Variants in MCCC2 observed in about 807,000 individuals in gnomAD.
MCCC2 encodes the protein methylcrotonyl-CoA carboxylase subunit 2.
A neutral mutation model predicts 77.2 loss-of-function variants in MCCC2; 52 were observed. That is an observed-to-expected ratio of 0.67 (90% confidence interval 0.54 to 0.85). The LOEUF is 0.85. MCCC2 is among the 40% of genes least tolerant of loss of function. MCCC2 has a pLI of 0.00. For missense variants in MCCC2, 682 were observed against 703.2 expected, an observed-to-expected ratio of 0.97 and a Z score of 0.34; for synonymous variants, 253 against 248.4, an observed-to-expected ratio of 1.02 and a Z score of -0.18.
At chr5:71,616,670 T>A (rs554416812) in intron 6 of MCCC2, among the ~76,000 whole-genome samples, 1 of 152,356 alleles carries the variant, frequency 6.6e-6, no homozygotes, top group African/African-American at 2.4e-5. Flanking sequence ...TACCTTGCTC[T>A]TTCCCTAGGA....
Position 71,649,261 on chromosome 5 carries a change from T to C in MCCC2, c.1373+8T>C, listed in dbSNP as rs1461805917. ...GTGTGGCAGAGCATATAGGTAGGTGTCATGATTTTCTCTGAAACAAAGAAA... is the reference window on the plus strand; with the variant it reads ...GTGTGGCAGAGCATATAGGTAGGTGCCATGATTTTCTCTGAAACAAAGAAA... On this transcript the variant is annotated splice_region_variant and intron_variant, in intron 14 of 16. Transcript: ENST00000340941. 1 of 1,612,528 alleles carries C rather than the reference T, an allele frequency of 6.2e-7. No homozygotes were observed. Among genetic ancestry groups the C allele is most frequent in the South Asian group, 1.1e-5 (1 of 91,032 alleles).
chr5:71,641,534 CT>C (rs1331603996), intron 11 of MCCC2, among the ~76,000 whole-genome samples: 9 of 152,126 alleles, frequency 5.9e-5, no homozygotes, highest in African/African-American at 2.2e-4. Flanking sequence ...CTGTGTAGGT[CT>C]TAAGCTGATT....
intron 6 of MCCC2, among the ~76,000 whole-genome samples, chr5:71,614,570 G>T (rs1324620940): frequency 6.7e-6 from 1 of 149,492 alleles, no homozygotes; most frequent in Non-Finnish European, 1.5e-5. Context: ...TGCAACCTCC[G>T]CCTTCCAGGC....
chr5:71,645,749 A>G (rs1040168472), intron 12 of MCCC2, among the ~76,000 whole-genome samples: 4 of 152,208 alleles, frequency 2.6e-5, no homozygotes, highest in African/African-American at 4.8e-5. Flanking sequence ...CTCATCCTTG[A>G]CGCAACAATA....
intron 7 of MCCC2, 92 bp downstream of exon 7, chr5:71,626,845 T>C: frequency 8.3e-7 from 1 of 1,200,480 alleles, no homozygotes; most frequent in Admixed American, 1.9e-5. Context: ...TAAAAAATAT[T>C]GTGATAAAAT....
chr5:71,654,503 C>T lies in MCCC2; in HGVS notation c.1574+1749C>T, dbSNP rs372145523. On this transcript the variant is annotated intron_variant, in intron 16 of 16. Transcript: ENST00000340941. Reference sequence around the variant, plus strand: ...TAAATGGAAAGAAGCAATAGAAAGCCGTATAAGAGGTTTGAGATGAAATAT... The same window carrying T: ...TAAATGGAAAGAAGCAATAGAAAGCTGTATAAGAGGTTTGAGATGAAATAT... Among the ~76,000 whole-genome samples the T allele has an allele frequency of 2.0e-5, 3 of 151,430 alleles. No homozygotes were observed. In the East Asian group the frequency reaches 5.8e-4, roughly 29 times the overall value.
rs980603424 is a variant in MCCC2, at chr5:71,641,013, G to C, written c.1010G>C (p.Arg337Thr). Residue 337 changes from arginine to threonine, a missense_variant, in exon 11 of 17, where the codon AGA (arginine) becomes ACA (threonine). Arg to Thr is a moderately conservative substitution (Grantham distance 71). Transcript: ENST00000340941. Reference sequence around the variant, plus strand: ...TGTTTTTCCTCTTAGGTCATTGCTAGAATCGTGGATGGAAGCAGATTCACT... The same window carrying C: ...TGTTTTTCCTCTTAGGTCATTGCTACAATCGTGGATGGAAGCAGATTCACT... ...RSFDVREVIA[R>T]IVDGSRFTEF... The C allele has an allele frequency of 2.2e-5, 36 of 1,614,014 alleles. No homozygotes were observed. The highest frequency in any genetic ancestry group is 3.1e-5 in the Non-Finnish European group (36 of 1,179,928).
At chr5:71,617,443 G>A (rs1040581561) in intron 6 of MCCC2, among the ~76,000 whole-genome samples, 1 of 152,026 alleles carries the variant, frequency 6.6e-6, no homozygotes, top group African/African-American at 2.4e-5. Context: ...TTGAGAATAG[G>A]GACAATTTAG....
intron 6 of MCCC2, among the ~76,000 whole-genome samples, chr5:71,612,560 G>A (rs1745998348): frequency 6.6e-6 from 1 of 152,088 alleles, no homozygotes; most frequent in South Asian, 2.1e-4. Flanking sequence ...ATCTTGCTAT[G>A]TTGGCCAGGC....
chr5:71,617,207 C>A (rs1320103154), intron 6 of MCCC2, among the ~76,000 whole-genome samples: 1 of 152,184 alleles, frequency 6.6e-6, no homozygotes, highest in Non-Finnish European at 1.5e-5. Flanking sequence ...TGCTCAGGCC[C>A]ATGCTGGTCC....
intron 11 of MCCC2, among the ~76,000 whole-genome samples, chr5:71,642,253 G>A (rs538533238): frequency 6.6e-6 from 1 of 152,188 alleles, no homozygotes; most frequent in South Asian, 2.1e-4. Flanking sequence ...TGGGAGTTGG[G>A]GGTGGGGGTG....
intron 11 of MCCC2, among the ~76,000 whole-genome samples, chr5:71,643,420 G>A (rs1747183275): frequency 6.6e-6 from 1 of 152,070 alleles, no homozygotes; most frequent in South Asian, 2.1e-4. Flanking sequence ...TTATCAGTAT[G>A]TTGATACTCT....
intron 6 of MCCC2, among the ~76,000 whole-genome samples, chr5:71,606,915 A>G (rs1745700760): frequency 6.6e-6 from 1 of 151,286 alleles, no homozygotes; most frequent in Admixed American, 6.6e-5. Flanking sequence ...CTTGCATCCC[A>G]GGGATGAAGC....
chr5:71,630,635 C>G (rs1490800494), intron 7 of MCCC2, among the ~76,000 whole-genome samples: 5 of 152,028 alleles, frequency 3.3e-5, no homozygotes, highest in African/African-American at 1.2e-4. Context: ...AGGAAAAGAA[C>G]CAAGAATTTA....
intron 5 of MCCC2, 80 bp downstream of exon 5, chr5:71,602,713 T>C: frequency 6.3e-7 from 1 of 1,585,484 alleles, no homozygotes; most frequent in East Asian, 2.2e-5. Context: ...TGTATTACAT[T>C]TGGGATGGGT....
At chr5:71,644,070 T>TGTGTGTGTGC (rs1554138111) in intron 12 of MCCC2, among the ~76,000 whole-genome samples, 175 bp downstream of exon 12, 1 of 55,646 alleles carries the variant, frequency 1.8e-5, no homozygotes, top group South Asian at 6.4e-4. Context: ...TGTGTGTGTG[T>TGTGTGTGTGC]GCGCGCGTGT....
In MCCC2 at chr5:71,658,537, C is replaced by G. The variant is rs558316771; in HGVS notation, c.*1677C>G. On this transcript the variant is annotated 3_prime_UTR_variant, in exon 17 of 17. Transcript: ENST00000340941. ...GAGAGCAAGGATCCTCCTGTTTACC[C>G]TGTACCTCCAATGTCTGGCACTTGT... 6.1e-4 allele frequency: 93 copies of G among 152,332 alleles called. No individual in the cohort carries two copies. Among genetic ancestry groups the G allele is most frequent in the African/African-American group, 2.2e-3 (92 of 41,570 alleles). The allele number at this position is 152,332 out of a possible 1,614,324, so 9.4% of individuals were successfully genotyped here.
chr5:71,633,125 A>ATTTTTTTTTTT lies in MCCC2; in HGVS notation c.803+941_803+942insTTTTTTTTTTT, dbSNP rs1398247533. The stretch of plus-strand genomic sequence containing the variant: ...TATATATATATATATATATATATAT[A>ATTTTTTTTTTT]TATATATTTTTATTTTTTGTAGAAA... On this transcript the variant is annotated intron_variant, in intron 8 of 16. Coordinates refer to ENST00000340941, the MANE Select transcript of MCCC2 (RefSeq NM_022132.5). Among the ~76,000 whole-genome samples the ATTTTTTTTTTT allele has an allele frequency of 1.9e-3, 82 of 42,856 alleles. 2 individuals are homozygous for ATTTTTTTTTTT. Among genetic ancestry groups the ATTTTTTTTTTT allele is most frequent in the East Asian group, 6.3e-3 (5 of 794 alleles). The allele number at this position is 42,856 out of a possible 152,430, so 28.1% of individuals were successfully genotyped here.
intron 6 of MCCC2, among the ~76,000 whole-genome samples, chr5:71,619,014 G>A (rs948592755): frequency 6.6e-6 from 1 of 152,148 alleles, no homozygotes; most frequent in Non-Finnish European, 1.5e-5. Flanking sequence ...GCCATGCTTA[G>A]TTGCAGTTCC....
Sources: allele counts gnomAD v4.1 joint callset (sites outside exome capture counted in the v4.1 genomes callset), GRCh38; gene constraint gnomAD v4.1.1; transcripts MANE v1.5; gene names NCBI Gene and HGNC (gene_info 2026-07-23, HGNC 2026-07-21).